The following TEKT4 variants were observed in gnomAD, a reference collection of about 807,000 sequenced individuals.
TEKT4 encodes the protein tektin 4, also known as tektin-4.
A neutral mutation model predicts 46.0 loss-of-function variants in TEKT4; 46 were observed. The observed-to-expected ratio is 1.00, with a 90% CI of 0.79 to 1.28. The LOEUF is 1.28. Among genes scored for constraint, TEKT4 ranks in the 50% most tolerant of loss-of-function variants. The pLI is 0.00. For missense variants in TEKT4, 790 were observed against 622.9 expected, an observed-to-expected ratio of 1.27 and a Z score of -2.85; for synonymous variants, 325 against 265.8, an observed-to-expected ratio of 1.22 and a Z score of -2.17.
intron 1 of TEKT4, 150 bp downstream of exon 1, chr2:94,872,227 C>T: frequency 9.6e-7 from 1 of 1,045,130 alleles, no homozygotes; most frequent in South Asian, 1.7e-5. Context: ...GAAATCTGGC[C>T]CCTTAGTGAC....
chr2:94,874,940 G>T lies in TEKT4; in HGVS notation c.878G>T (p.Gly293Val). Residue 293 changes from glycine to valine, a missense_variant, in exon 4 of 6, where the codon GGG becomes GTG. Gly to Val is a moderately radical substitution (Grantham distance 109). Coordinates refer to ENST00000295201, the MANE Select transcript of TEKT4 (RefSeq NM_144705.4). Reference protein sequence around the residue: ...LQCDAVNLAFGRRCEELEDAR... With the variant: ...LQCDAVNLAFVRRCEELEDAR... Reference sequence around the variant, plus strand: ...TGCGACGCCGTGAACCTGGCCTTCGGGCGCCGCTGTGAGGAGCTGGAGGAC... The same window carrying T: ...TGCGACGCCGTGAACCTGGCCTTCGTGCGCCGCTGTGAGGAGCTGGAGGAC... 6.2e-7 allele frequency: 1 copy of T among 1,611,988 alleles called. No individual in the cohort carries two copies. Among genetic ancestry groups the T allele is most frequent in the Non-Finnish European group, 8.5e-7 (1 of 1,179,650 alleles).
rs1470919805 is a variant in TEKT4, at chr2:94,871,730, C to T, written c.151C>T (p.Arg51Cys). Residue 51 changes from arginine to cysteine, a missense_variant, in exon 1 of 6, where the codon CGC (arginine) becomes TGC (cysteine). Coordinates refer to ENST00000295201, the MANE Select transcript of TEKT4 (RefSeq NM_144705.4). ...GGAGTGGTTCCAGAACTGCTATGCTCGCTACCACCAGGCCTTCGCCGACCG... is the reference window on the plus strand; with the variant it reads ...GGAGTGGTTCCAGAACTGCTATGCTTGCTACCACCAGGCCTTCGCCGACCG... ...LEEWFQNCYA[R>C]YHQAFADRDQ... The T allele has an allele frequency of 6.2e-6, 10 of 1,612,510 alleles. No individual in the cohort carries two copies. Among genetic ancestry groups the T allele is most frequent in the African/African-American group, 1.3e-5 (1 of 74,940 alleles).
intron 5 of TEKT4, among the ~76,000 whole-genome samples, chr2:94,876,206 G>C (rs1368009177): frequency 6.6e-6 from 1 of 152,182 alleles, no homozygotes; most frequent in Admixed American, 6.5e-5. Context: ...CCCCTTCTAA[G>C]TACCTTTCTT....
Position 94,874,084 on chromosome 2 carries a change from C to A in TEKT4, c.689C>A (p.Pro230Gln). Reference sequence around the variant, plus strand: ...CAGAGCACCGAGGTGCAGGCTCATCCGTACTCCACCACCTTCCAAGAGAGG... The same window carrying A: ...CAGAGCACCGAGGTGCAGGCTCATCAGTACTCCACCACCTTCCAAGAGAGG... ...HSQSTEVQAH[P>Q]YSTTFQESAS... The change falls in exon 3 of 6, where the codon CCG becomes CAG. Residue 230 changes from proline (P) to glutamine (Q), a missense_variant. Coordinates refer to ENST00000295201, the MANE Select transcript of TEKT4 (RefSeq NM_144705.4). 6.2e-7 allele frequency: 1 copy of A among 1,613,552 alleles called. No homozygotes were observed. The highest frequency in any genetic ancestry group is 8.5e-7 in the Non-Finnish European group (1 of 1,179,888).
rs1553396011 is a variant in TEKT4 at position 94,875,125 on chromosome 2, T to G, written c.936+127T>G. 6 of 1,032,858 alleles carry G rather than the reference T, an allele frequency of 5.8e-6. No homozygotes were observed. The South Asian group carries it at 1.0e-4, about 17-fold the overall frequency. 64.0% of individuals were successfully genotyped at this position (1,032,858 alleles called of 1,614,324 possible). On this transcript the variant is annotated intron_variant, in intron 4 of 5. Coordinates refer to ENST00000295201, the MANE Select transcript of TEKT4 (RefSeq NM_144705.4). Reference sequence around the variant, plus strand: ...CAAGTGTCTCCTCTCCGTAAACCTATGTAAAACCAGGTGACACTGGGTATG... The same window carrying G: ...CAAGTGTCTCCTCTCCGTAAACCTAGGTAAAACCAGGTGACACTGGGTATG...
chr2:94,876,667 G>T lies in TEKT4; in HGVS notation c.1206G>T (p.Lys402Asn), dbSNP rs782704250. The stretch of plus-strand genomic sequence containing the variant: ...AGGACATCCACATGAGCCTGGAGAA[G>T]GACATTGCCGCCATGACCAACAGTC... ...NLEDIHMSLE[K>N]DIAAMTNSLF... Residue 402 changes from lysine to asparagine, a missense_variant, in exon 6 of 6, where the codon AAG (lysine) becomes AAT (asparagine). Transcript: ENST00000295201. 6.2e-7 allele frequency: 1 copy of T among 1,613,440 alleles called. No homozygotes were observed. Among genetic ancestry groups the T allele is most frequent in the South Asian group, 1.1e-5 (1 of 91,074 alleles).
At chr2:94,873,924 T>C (rs1553395481) in intron 2 of TEKT4, 41 bp from the exon 3 acceptor site, 1 of 1,607,540 alleles carries the variant, frequency 6.2e-7, no homozygotes, top group Non-Finnish European at 8.5e-7. Context: ...AGCAGGGCCC[T>C]CCCTGGGCAC....
At position 94,876,680 on chromosome 2, in the gene TEKT4, A is replaced by C; in HGVS notation, c.1219A>C (p.Met407Leu). The C allele has an allele frequency of 6.2e-7, 1 of 1,613,478 alleles. No homozygotes were observed. Among genetic ancestry groups the C allele is most frequent in the Non-Finnish European group, 8.5e-7 (1 of 1,180,016 alleles). The part of the protein sequence containing the change: ...HMSLEKDIAA[M>L]TNSLFIDRQK... ...GAGCCTGGAGAAGGACATTGCCGCC[A>C]TGACCAACAGTCTCTTCATCGACCG... The change falls in exon 6 of 6, where the codon ATG becomes CTG. Residue 407 changes from methionine to leucine, a missense_variant. Physicochemically the swap from Met to Leu is conservative, Grantham distance 15. Coordinates refer to ENST00000295201, the MANE Select transcript of TEKT4 (RefSeq NM_144705.4).
intron 1 of TEKT4, chr2:94,873,228 G>A: frequency 3.9e-6 from 5 of 1,289,610 alleles, no homozygotes; most frequent in Non-Finnish European, 5.0e-6. Flanking sequence ...TGCACTGAGT[G>A]AGCAGCAGCG....
rs782314314 is a variant in TEKT4, at chr2:94,871,812, C to A, written c.233C>A (p.Ala78Glu). 1.2e-6 allele frequency: 2 copies of A among 1,609,298 alleles called. No homozygotes were observed. Among genetic ancestry groups the A allele is most frequent in the Non-Finnish European group, 1.7e-6 (2 of 1,177,962 alleles). Residue 78 changes from alanine to glutamate, a missense_variant, in exon 1 of 6, where the codon GCG becomes GAG. By Grantham distance (107) the Ala-to-Glu change is moderately radical. Coordinates refer to ENST00000295201, the MANE Select transcript of TEKT4 (RefSeq NM_144705.4). ...ESQQLATETQ[A>E]LAQRTQQDST... The stretch of plus-strand genomic sequence containing the variant: ...CAGCAGCTGGCCACAGAGACCCAGG[C>A]GCTGGCGCAGCGCACGCAGCAAGAC...
Position 94,874,705 on chromosome 2 carries a change from G to C in TEKT4, c.714-71G>C. The C allele has an allele frequency of 6.5e-6, 9 of 1,378,488 alleles. No individual in the cohort carries two copies. In the Admixed American group the frequency reaches 6.7e-5, roughly 10 times the overall value. 85.4% of individuals were successfully genotyped at this position (1,378,488 alleles called of 1,614,324 possible). ...GAGCATGGGGCGCGGACAGGGCATGGGGGCGCAGCAGGGCTCCCAGCCTTC... is the reference window on the plus strand; with the variant it reads ...GAGCATGGGGCGCGGACAGGGCATGCGGGCGCAGCAGGGCTCCCAGCCTTC... On this transcript the variant is annotated intron_variant, in intron 3 of 5. Coordinates refer to ENST00000295201, the MANE Select transcript of TEKT4 (RefSeq NM_144705.4).
In TEKT4 at chr2:94,875,721, G is replaced by A. The variant is rs547160448; in HGVS notation, c.1070G>A (p.Cys357Tyr). ...TCGCACCGGCCCAACATGGAGCTGTGCCGTGACGCAGCCCAGTTCAGGTGC... is the reference window on the plus strand; with the variant it reads ...TCGCACCGGCCCAACATGGAGCTGTACCGTGACGCAGCCCAGTTCAGGTGC... Reference protein sequence around the residue: ...LRSHRPNMELCRDAAQFRLLS... With the variant: ...LRSHRPNMELYRDAAQFRLLS... The change falls in exon 5 of 6, where the codon TGC becomes TAC. Residue 357 changes from cysteine to tyrosine, a missense_variant. Physicochemically the swap from Cys to Tyr is radical, Grantham distance 194. Transcript: ENST00000295201. 5.3e-5 allele frequency: 85 copies of A among 1,613,938 alleles called. No homozygotes were observed. The highest frequency in any genetic ancestry group is 6.6e-5 in the Non-Finnish European group (78 of 1,179,952).
intron 1 of TEKT4, chr2:94,872,287 T>C: frequency 1.6e-6 from 1 of 624,386 alleles, no homozygotes; most frequent in South Asian, 2.0e-5. Flanking sequence ...CAGCTGTTTC[T>C]CCTCTCCTCC....
intron 3 of TEKT4, 86 bp from the exon 4 acceptor site, chr2:94,874,690 C>A (rs111498144): frequency 1.8e-5 from 22 of 1,216,886 alleles, no homozygotes; most frequent in Non-Finnish European, 2.5e-5. Context: ...GAGCATGGGG[C>A]GCGGACAGGG....
chr2:94,875,137 T>C lies in TEKT4; in HGVS notation c.936+139T>C, dbSNP rs753942473. On this transcript the variant is annotated intron_variant, in intron 4 of 5. Coordinates refer to ENST00000295201, the MANE Select transcript of TEKT4 (RefSeq NM_144705.4). ...CTCCGTAAACCTATGTAAAACCAGG[T>C]GACACTGGGTATGATCGACCGGTGT... 9.0e-4 allele frequency: 838 copies of C among 931,542 alleles called. 1 individual carries two copies. The highest frequency in any genetic ancestry group is 1.3e-3 in the Non-Finnish European group (790 of 631,768). 57.7% of individuals were successfully genotyped at this position (931,542 alleles called of 1,614,324 possible). A position where few individuals can be genotyped will look rare whatever the true frequency, so the allele number is the denominator to read the frequency against.
intron 1 of TEKT4, chr2:94,872,706 G>A (rs1680631772): frequency 1.4e-6 from 1 of 728,394 alleles, no homozygotes; most frequent in Non-Finnish European, 2.0e-6. Flanking sequence ...ATTCGTGAAA[G>A]ATGTGGGGTG....
At chr2:94,873,816 TG>T in intron 2 of TEKT4, 148 bp from the exon 3 acceptor site, 1 of 1,236,374 alleles carries the variant, frequency 8.1e-7, no homozygotes, top group Non-Finnish European at 1.1e-6. Context: ...CCGCAGCTCC[TG>T]GTCACTGCTG....
At position 94,874,999 on chromosome 2, in the gene TEKT4, G is replaced by A. The variant is rs139660880; in HGVS notation, c.936+1G>A. On this transcript the variant is annotated splice_donor_variant, in intron 4 of 5. Coordinates refer to ENST00000295201, the MANE Select transcript of TEKT4 (RefSeq NM_144705.4). LOFTEE classifies it high-confidence loss of function. ...CAAGCTGCATCACCACCTGCACAAG[G>A]TGGGGCACCCTGAACCCCGAAGACG... 3.2e-5 allele frequency: 51 copies of A among 1,597,410 alleles called. No individual in the cohort carries two copies. Among genetic ancestry groups the A allele is most frequent in the Non-Finnish European group, 3.5e-5 (41 of 1,172,898 alleles).
At chr2:94,872,192 T>A in intron 1 of TEKT4, 115 bp downstream of exon 1, 2 of 1,343,744 alleles carry the variant, frequency 1.5e-6, no homozygotes, top group Non-Finnish European at 2.0e-6. Context: ...AGCCCAGCCC[T>A]CTGCACGTGA....
Sources: gnomAD v4.1 joint callset for allele counts (sites outside exome capture counted in the v4.1 genomes callset) on GRCh38, gnomAD v4.1.1 for gene constraint, MANE v1.5 for transcripts, NCBI Gene and HGNC (gene_info 2026-07-23, HGNC 2026-07-21) for gene names.